KLHL29: variants seen among roughly 807,000 people sequenced by gnomAD.
KLHL29 encodes the protein kelch like family member 29, also known as kelch-like protein 29.
In KLHL29, 21 loss-of-function variants were observed where a neutral mutation model predicts 80.4. That is an observed-to-expected ratio of 0.26 (90% CI 0.19 to 0.38). KLHL29 has a LOEUF of 0.38. Ranked by LOEUF, KLHL29 falls within the 10% of genes least tolerant of loss-of-function variation. The pLI is 1.00. For missense variants in KLHL29, 867 were observed against 1,223.9 expected (o/e 0.71, Z 4.35); for synonymous variants, 511 against 526.8 (o/e 0.97, Z 0.41).
chr2:23,636,676 G>A (rs1473752910), intron 3 of KLHL29, among the ~76,000 whole-genome samples: 1 of 152,244 alleles, frequency 6.6e-6, no homozygotes, highest in Non-Finnish European at 1.5e-5. Context: ...CTCGAGCAGT[G>A]CCCGACACAG....
chr2:23,509,664 C>T (rs1665712048), intron 2 of KLHL29, among the ~76,000 whole-genome samples: 1 of 152,090 alleles, frequency 6.6e-6, no homozygotes, highest in African/African-American at 2.4e-5. Context: ...AAATACAAAG[C>T]AGCTTGGGAA....
chr2:23,436,088 G>C (rs970238698), intron 1 of KLHL29, among the ~76,000 whole-genome samples: 2 of 152,008 alleles, frequency 1.3e-5, no homozygotes, highest in Admixed American at 1.3e-4. Context: ...TGTGATGGCT[G>C]TTTCCTTAAC....
At chr2:23,616,156 C>G (rs975729200) in intron 3 of KLHL29, among the ~76,000 whole-genome samples, 1 of 152,192 alleles carries the variant, frequency 6.6e-6, no homozygotes, top group African/African-American at 2.4e-5. Flanking sequence ...GCAGCCTGAC[C>G]ATGAGGTTAC....
intron 2 of KLHL29, among the ~76,000 whole-genome samples, chr2:23,520,998 C>CCG (rs1553334467): frequency 0.014 from 2,138 of 151,602 alleles, 104 homozygotes; most frequent in African/African-American, 0.049. Flanking sequence ...GACCACCCCC[C>CCG]CCCCCGCTCC....
intron 5 of KLHL29, among the ~76,000 whole-genome samples, chr2:23,658,411 G>A (rs1295873062): frequency 1.3e-5 from 2 of 152,162 alleles, no homozygotes; most frequent in African/African-American, 4.8e-5. Context: ...TTAGAGGGGG[G>A]CAGCAGATTA....
intron 1 of KLHL29, among the ~76,000 whole-genome samples, chr2:23,427,584 C>G (rs1215175758): frequency 1.3e-5 from 2 of 152,144 alleles, no homozygotes; most frequent in Non-Finnish European, 2.9e-5. Context: ...AAAATTGCAA[C>G]CTTTCAGCGC....
chr2:23,678,042 A>G (rs1346070539), intron 5 of KLHL29, among the ~76,000 whole-genome samples: 2 of 152,190 alleles, frequency 1.3e-5, no homozygotes, highest in Admixed American at 6.5e-5. Flanking sequence ...AATATTTGAC[A>G]TCTCTTCCTC....
chr2:23,436,935 A>T (rs1272171723), intron 1 of KLHL29, among the ~76,000 whole-genome samples: 1 of 152,218 alleles, frequency 6.6e-6, no homozygotes, highest in Non-Finnish European at 1.5e-5. Flanking sequence ...AGGATGAATG[A>T]TTTTAAGCAT....
chr2:23,655,757 G>A (rs1170784495), intron 5 of KLHL29, among the ~76,000 whole-genome samples: 1 of 152,192 alleles, frequency 6.6e-6, no homozygotes, highest in Non-Finnish European at 1.5e-5. Flanking sequence ...ACTGGTGCAG[G>A]GTGGTCCCCG....
At chr2:23,437,223 A>C (rs1558337993) in intron 1 of KLHL29, among the ~76,000 whole-genome samples, 1 of 152,232 alleles carries the variant, frequency 6.6e-6, no homozygotes, top group Non-Finnish European at 1.5e-5. Context: ...ATTCTAATCT[A>C]GTTTATCTGG....
At chr2:23,552,700 C>A (rs1025453862) in intron 2 of KLHL29, among the ~76,000 whole-genome samples, 1 of 151,430 alleles carries the variant, frequency 6.6e-6, no homozygotes, top group South Asian at 2.1e-4. Flanking sequence ...ATTGATGCCA[C>A]CTGTGGTCCC....
chr2:23,637,996 C>T (rs1669663243), intron 3 of KLHL29, among the ~76,000 whole-genome samples: 1 of 150,680 alleles, frequency 6.6e-6, no homozygotes, highest in African/African-American at 2.4e-5. Flanking sequence ...TACTGACACC[C>T]ACACCTGTGC....
intron 1 of KLHL29, among the ~76,000 whole-genome samples, chr2:23,394,620 A>T (rs1006930417): frequency 3.9e-5 from 6 of 152,256 alleles, no homozygotes; most frequent in African/African-American, 1.4e-4. Flanking sequence ...CTTTTCTAGG[A>T]AATATAAATT....
chr2:23,459,845 C>G (rs1664163404), intron 1 of KLHL29, among the ~76,000 whole-genome samples: 1 of 152,098 alleles, frequency 6.6e-6, no homozygotes, highest in Non-Finnish European at 1.5e-5. Flanking sequence ...CCATGGAGGA[C>G]ACTGGTGACC....
Position 23,578,615 on chromosome 2 carries a change from A to ACCTGT in KLHL29, c.285+16138_285+16142dup, listed in dbSNP as rs553097358. ...AGAATGAAGGTCCTTGAGACAAAAG[A>ACCTGT]CCTGTCCTCTTAGGTTCTGCATTGC... On this transcript the variant is annotated intron_variant, in intron 3 of 13. Transcript: ENST00000486442. 5.5e-4 allele frequency among the ~76,000 whole-genome samples: 83 copies of ACCTGT among 152,146 alleles called. 1 individual carries two copies. The highest frequency in any genetic ancestry group is 1.9e-3 in the African/African-American group (79 of 41,488).
intron 5 of KLHL29, among the ~76,000 whole-genome samples, chr2:23,679,629 C>T (rs901867422): frequency 2.4e-4 from 34 of 142,644 alleles, no homozygotes; most frequent in African/African-American, 6.3e-4. Context: ...TATATGTATG[C>T]CAGGCCCTGT....
chr2:23,534,181 T>A (rs552657660), intron 2 of KLHL29, among the ~76,000 whole-genome samples: 3 of 152,286 alleles, frequency 2.0e-5, no homozygotes, highest in Middle Eastern at 3.4e-3. Context: ...AACCGGGGCT[T>A]CAGATCATGA....
At position 23,696,570 on chromosome 2, in the gene KLHL29, C is replaced by T; in HGVS notation, c.2105+57C>T. The T allele has an allele frequency of 1.5e-6, 2 of 1,348,056 alleles. No homozygotes were observed. Among genetic ancestry groups the T allele is most frequent in the Non-Finnish European group, 2.0e-6 (2 of 995,598 alleles). 83.5% of individuals were successfully genotyped at this position (1,348,056 alleles called of 1,614,324 possible). A position where few individuals can be genotyped will look rare whatever the true frequency, so the allele number is the denominator to read the frequency against. On this transcript the variant is annotated intron_variant, in intron 11 of 13. Transcript: ENST00000486442. The surrounding 1 kb of genome is among the most constrained non-coding windows in gnomAD (Gnocchi z 5.5). ...CTCTTTGCTCACCAAGAACTGAAAT[C>T]ACGTCACTCACTGTACCTCCCAACA...
chr2:23,566,707 C>T (rs986706094), intron 3 of KLHL29, among the ~76,000 whole-genome samples: 1 of 152,240 alleles, frequency 6.6e-6, no homozygotes, highest in Non-Finnish European at 1.5e-5. Context: ...GAGTATGTCT[C>T]TGAACCTCAG....
Sources: gnomAD v4.1 joint callset for allele counts (sites outside exome capture counted in the v4.1 genomes callset) on GRCh38, gnomAD v4.1.1 for gene constraint, Gnocchi (gnomAD v3.1) non-coding constraint, MANE v1.5 for transcripts, NCBI Gene and HGNC (gene_info 2026-07-23, HGNC 2026-07-21) for gene names.